Variants in ABL1 observed in about 807,000 individuals in gnomAD.
ABL1 encodes the protein ABL proto-oncogene 1, non-receptor tyrosine kinase.
Under a neutral mutation model 94.7 loss-of-function variants are expected in ABL1, and 11 were observed. The observed-to-expected ratio is 0.12, with a 90% confidence interval of 0.07 to 0.19. The LOEUF (loss-of-function observed/expected upper bound fraction) is 0.19, where lower values mean the gene tolerates loss of function less well. Ranked by LOEUF, ABL1 falls within the 10% of genes least tolerant of loss-of-function variation. The pLI is 1.00. For missense variants in ABL1, 1,082 were observed against 1,489.4 expected (o/e 0.73, Z 4.50); for synonymous variants, 656 against 622.4 (o/e 1.05, Z -0.80).
chr9:130,834,921 G>A (rs754810199), upstream of ABL1: 3 of 455,820 alleles, frequency 6.6e-6, no homozygotes, highest in South Asian at 4.7e-5. Context: ...TGGGAAACTC[G>A]CCAAAAGCGG....
At position 130,873,778 on chromosome 9, in the gene ABL1, C is replaced by T. The variant is rs34678780; in HGVS notation, c.1085+741C>T. Among the ~76,000 whole-genome samples the T allele has an allele frequency of 7.8e-3, 1,185 of 152,278 alleles. 14 individuals carry two copies. Among genetic ancestry groups the T allele is most frequent in the African/African-American group, 0.027 (1,140 of 41,556 alleles). On this transcript the variant is annotated intron_variant, in intron 6 of 10. Coordinates refer to ENST00000318560, the MANE Select transcript of ABL1 (RefSeq NM_005157.6). ...ATGGGCTTTGCTGGCGTCTTTTATA[C>T]GAGATGTTCTCCACACCACCACTGT...
intron 1 of ABL1, among the ~76,000 whole-genome samples, chr9:130,741,144 T>G (rs2132711891): frequency 6.6e-6 from 1 of 152,200 alleles, no homozygotes; most frequent in African/African-American, 2.4e-5. Flanking sequence ...GTCCTGGAGG[T>G]TTGCCACTTC....
chr9:130,878,868 G>A (rs894512430), intron 8 of ABL1, among the ~76,000 whole-genome samples: 7 of 150,206 alleles, frequency 4.7e-5, no homozygotes, highest in African/African-American at 1.7e-4. Flanking sequence ...CTAAGCTCAT[G>A]AGGTGATTTT....
At chr9:130,840,473 A>G (rs1007977496) in intron 1 of ABL1, among the ~76,000 whole-genome samples, 4 of 152,224 alleles carry the variant, frequency 2.6e-5, no homozygotes, top group African/African-American at 9.7e-5. Context: ...TAATTGTGCC[A>G]GTATAATCAT....
At chr9:130,853,367 G>A (rs1158016217) in intron 1 of ABL1, among the ~76,000 whole-genome samples, 1 of 149,990 alleles carries the variant, frequency 6.7e-6, no homozygotes, top group Non-Finnish European at 1.5e-5. Flanking sequence ...GTAAAGACAG[G>A]ATTTCACTGT....
At chr9:130,861,379 A>G (rs1046933184) in intron 3 of ABL1, among the ~76,000 whole-genome samples, 3 of 152,226 alleles carry the variant, frequency 2.0e-5, no homozygotes, top group African/African-American at 7.2e-5. Flanking sequence ...CTTCCTGTTG[A>G]CGAATCCTTT....
intron 1 of ABL1, among the ~76,000 whole-genome samples, chr9:130,839,172 C>T (rs1830632702): frequency 1.3e-5 from 2 of 151,998 alleles, no homozygotes; most frequent in South Asian, 4.2e-4. Context: ...AGTGATCCTC[C>T]CACCTTGGCC....
intron 4 of ABL1, among the ~76,000 whole-genome samples, chr9:130,864,898 C>T (rs1358272305): frequency 1.3e-5 from 2 of 152,164 alleles, no homozygotes; most frequent in Non-Finnish European, 2.9e-5. Flanking sequence ...ATTCCAAGCG[C>T]AAAATACCCT....
At chr9:130,782,801 A>T (rs1285564476) in intron 1 of ABL1, among the ~76,000 whole-genome samples, 1 of 152,190 alleles carries the variant, frequency 6.6e-6, no homozygotes, top group Non-Finnish European at 1.5e-5. Flanking sequence ...TTCCCTGAGG[A>T]TGTTGGGAAG....
rs7850647 is a variant in ABL1, at chr9:130,886,505, C to T, written c.*822C>T. 5.3e-3 allele frequency: 1,243 copies of T among 233,402 alleles called. 15 individuals are homozygous for T. The highest frequency in any genetic ancestry group is 0.024 in the African/African-American group (1,094 of 45,428). The allele number at this position is 233,402 out of a possible 1,614,324, so 14.5% of individuals were successfully genotyped here. A position where few individuals can be genotyped will look rare whatever the true frequency, so the allele number is the denominator to read the frequency against. ...AAGGGTGGCAGGTCACTGTCACTGC[C>T]GACATCCCTCCCCCAGCAGAATGGA... is the stretch of plus-strand genomic sequence containing the variant. On this transcript the variant is annotated 3_prime_UTR_variant, in exon 11 of 11. Coordinates refer to ENST00000318560, the MANE Select transcript of ABL1 (RefSeq NM_005157.6).
chr9:130,718,502 G>GT (rs1831474877), intron 1 of ABL1, among the ~76,000 whole-genome samples: 2 of 151,986 alleles, frequency 1.3e-5, no homozygotes, highest in African/African-American at 4.8e-5. Flanking sequence ...TTCTAATGTG[G>GT]TAACTATTGA....
intron 1 of ABL1, among the ~76,000 whole-genome samples, chr9:130,718,263 A>T (rs931945152): frequency 4.1e-5 from 6 of 146,350 alleles, no homozygotes; most frequent in Admixed American, 1.4e-4. Flanking sequence ...GGTTGCAGTG[A>T]CCTGAGATCG....
At chr9:130,768,401 C>A (rs1365685093) in intron 1 of ABL1, among the ~76,000 whole-genome samples, 3 of 152,190 alleles carry the variant, frequency 2.0e-5, no homozygotes, top group Non-Finnish European at 4.4e-5. Context: ...AGGACAGAGC[C>A]AGTGACGACT....
chr9:130,821,581 T>C (rs1402919582), intron 1 of ABL1, among the ~76,000 whole-genome samples: 2 of 152,296 alleles, frequency 1.3e-5, no homozygotes, highest in East Asian at 3.9e-4. Context: ...ACAATGCTAC[T>C]ATATATATCC....
intron 1 of ABL1, among the ~76,000 whole-genome samples, chr9:130,762,160 T>A (rs997063622): frequency 3.5e-5 from 3 of 85,088 alleles, no homozygotes; most frequent in Non-Finnish European, 4.5e-5. Context: ...AAAAAAAAAA[T>A]TCACAAGTAC....
chr9:130,785,902 G>A (rs1256516993), intron 1 of ABL1, among the ~76,000 whole-genome samples: 4 of 131,230 alleles, frequency 3.0e-5, no homozygotes, highest in African/African-American at 8.9e-5. Context: ...CAGTCTGGGC[G>A]ACATTCTGGA....
intron 1 of ABL1, among the ~76,000 whole-genome samples, chr9:130,825,924 C>T (rs1453709906): frequency 4.6e-5 from 7 of 152,184 alleles, no homozygotes. Context: ...TAGTTTGCAA[C>T]AAATTTTAGT....
chr9:130,773,325 T>TA (rs903131464), intron 1 of ABL1, among the ~76,000 whole-genome samples: 3 of 150,980 alleles, frequency 2.0e-5, no homozygotes, highest in East Asian at 1.9e-4. Flanking sequence ...ATCTCGAATT[T>TA]AAAAAAAAAT....
Position 130,862,871 on chromosome 9 carries a change from C to A in ABL1, c.658C>A (p.Arg220Ser), listed in dbSNP as rs753573200. ...CACGCTCCATTATCCAGCCCCAAAG[C>A]GCAACAAGCCCACTGTCTATGGTGT... ...ITTLHYPAPK[R>S]NKPTVYGVSP... is the part of the protein sequence containing the mutation. Residue 220 changes from arginine to serine, a missense_variant, in exon 4 of 11, where the codon CGC becomes AGC. Coordinates refer to ENST00000318560, the MANE Select transcript of ABL1 (RefSeq NM_005157.6). This position sits in a 1 kb window ranked among gnomAD's most constrained non-coding sequence, Gnocchi z 5.5. 1 of 1,614,000 alleles carries A rather than the reference C, an allele frequency of 6.2e-7. No individual in the cohort carries two copies. Among genetic ancestry groups the A allele is most frequent in the Admixed American group, 1.7e-5 (1 of 60,002 alleles).
Sources: gnomAD v4.1 joint callset for allele counts (sites outside exome capture counted in the v4.1 genomes callset) on GRCh38, gnomAD v4.1.1 for gene constraint, Gnocchi (gnomAD v3.1) non-coding constraint, MANE v1.5 for transcripts, NCBI Gene and HGNC (gene_info 2026-07-23, HGNC 2026-07-21) for gene names.